The following PIK3C2G variants were observed in gnomAD, a reference collection of about 807,000 sequenced individuals.
PIK3C2G encodes the protein phosphatidylinositol 3-kinase C2 domain-containing subunit gamma.
PIK3C2G carries 168 observed loss-of-function variants against 181.1 expected under a neutral mutation model. The observed-to-expected ratio is 0.93, with a 90% confidence interval of 0.82 to 1.05. PIK3C2G has a LOEUF of 1.05. PIK3C2G is among the 50% of genes least tolerant of loss of function. The pLI, the probability that PIK3C2G is intolerant of heterozygous loss-of-function variation, is 0.00. For missense variants in PIK3C2G, 1,869 were observed against 1,732.8 expected, an observed-to-expected ratio of 1.08 and a Z score of -1.40; for synonymous variants, 573 against 592.2, an observed-to-expected ratio of 0.97 and a Z score of 0.47.
At chr12:18,694,993 T>C in the PIK3C2G span, 1 of 1,610,478 alleles carries the variant, frequency 6.2e-7, no homozygotes, top group Non-Finnish European at 8.5e-7. Context: ...AAATGTGGTT[T>C]CAAAATATAT....
intron 21 of PIK3C2G, among the ~76,000 whole-genome samples, chr12:18,496,580 T>A (rs1316661255): frequency 1.3e-5 from 2 of 152,164 alleles, no homozygotes; most frequent in African/African-American, 2.4e-5. Flanking sequence ...GAGTTTTTTT[T>A]AATAAAAAAG....
the PIK3C2G span, among the ~76,000 whole-genome samples, chr12:18,678,674 T>C: frequency 5.3e-5 from 8 of 152,124 alleles, no homozygotes; most frequent in Non-Finnish European, 1.0e-4. Context: ...TTAATGCATG[T>C]ATGAATAGTC....
At chr12:18,309,193 C>G (rs1475462120) in intron 5 of PIK3C2G, among the ~76,000 whole-genome samples, 1 of 151,700 alleles carries the variant, frequency 6.6e-6, no homozygotes, top group Non-Finnish European at 1.5e-5. Context: ...CTGTCTTGCC[C>G]TATTGATAAA....
Position 18,530,089 on chromosome 12 carries a change from T to C in PIK3C2G, c.3324-8067T>C, listed in dbSNP as rs140015323. Among the ~76,000 whole-genome samples the C allele has an allele frequency of 6.1e-3, 929 of 152,200 alleles. 5 individuals carry two copies. The highest frequency in any genetic ancestry group is 0.031 in the Middle Eastern group (9 of 294). The stretch of plus-strand genomic sequence containing the variant: ...CCCACTATTTCACTCTCTACAACAA[T>C]TGGCACCCTAACCTCTCAAGCATAA... On this transcript the variant is annotated intron_variant, in intron 24 of 32. Coordinates refer to ENST00000538779, the MANE Select transcript of PIK3C2G (RefSeq NM_001288772.2).
At position 18,627,386 on chromosome 12, in the gene PIK3C2G, C is replaced by A. The variant is rs912891331; in HGVS notation, c.4183-13043C>A. Among the ~76,000 whole-genome samples, 19 of 152,084 alleles carry A rather than the reference C, an allele frequency of 1.2e-4. No homozygotes were observed. In the South Asian group the frequency reaches 3.7e-3, roughly 30 times the overall value. ...TTTCTTAGATATCCCTTTCTTTGGG[C>A]GTCATTGCTGGAGCATTTTTGGTTT... is the stretch of plus-strand genomic sequence containing the variant. On this transcript the variant is annotated intron_variant, in intron 31 of 32. Coordinates refer to ENST00000538779, the MANE Select transcript of PIK3C2G (RefSeq NM_001288772.2).
chr12:18,585,718 T>C (rs1251738544), intron 29 of PIK3C2G, among the ~76,000 whole-genome samples: 2 of 152,192 alleles, frequency 1.3e-5, no homozygotes, highest in Non-Finnish European at 2.9e-5. Context: ...TCTTTGGAAT[T>C]CTCCACCCAA....
chr12:18,680,227 G>A, the PIK3C2G span, among the ~76,000 whole-genome samples: 1 of 151,894 alleles, frequency 6.6e-6, no homozygotes, highest in Non-Finnish European at 1.5e-5. Flanking sequence ...CACTCAAAAG[G>A]GATTCCATTC....
intron 11 of PIK3C2G, among the ~76,000 whole-genome samples, chr12:18,360,767 C>T (rs1941168099): frequency 6.6e-6 from 1 of 152,120 alleles, no homozygotes; most frequent in Non-Finnish European, 1.5e-5. Context: ...CATGATTAGT[C>T]ATTTTCTCTA....
intron 21 of PIK3C2G, among the ~76,000 whole-genome samples, chr12:18,497,376 C>T (rs1376458516): frequency 6.6e-6 from 1 of 152,152 alleles, no homozygotes; most frequent in African/African-American, 2.4e-5. Context: ...CAAGGAACAA[C>T]ATTCCAAGCA....
intron 12 of PIK3C2G, among the ~76,000 whole-genome samples, chr12:18,367,934 A>G (rs1941757526): frequency 6.6e-6 from 1 of 152,156 alleles, no homozygotes; most frequent in South Asian, 2.1e-4. Context: ...GAAACTTAAA[A>G]TCATGGCAGA....
chr12:18,662,970 G>GA, the PIK3C2G span, among the ~76,000 whole-genome samples: 3 of 152,026 alleles, frequency 2.0e-5, no homozygotes, highest in African/African-American at 7.2e-5. Context: ...AAGGCATGTA[G>GA]AAACCAAATA....
chr12:18,696,063 G>T, the PIK3C2G span: 1 of 710,020 alleles, frequency 1.4e-6, no homozygotes, highest in South Asian at 1.6e-5. Flanking sequence ...TTTACAGAAA[G>T]CCCTTTTCAC....
the PIK3C2G span, among the ~76,000 whole-genome samples, chr12:18,704,510 G>C: frequency 6.6e-6 from 1 of 152,066 alleles, no homozygotes; most frequent in African/African-American, 2.4e-5. Flanking sequence ...ATTTTTAGTA[G>C]AGACGGGGTT....
intron 2 of PIK3C2G, among the ~76,000 whole-genome samples, chr12:18,285,071 T>C (rs1346840036): frequency 6.6e-6 from 1 of 152,034 alleles, no homozygotes; most frequent in Non-Finnish European, 1.5e-5. Flanking sequence ...CATATAGACA[T>C]TTTATACTCA....
chr12:18,587,180 C>T (rs1187014038), intron 29 of PIK3C2G, among the ~76,000 whole-genome samples: 1 of 152,084 alleles, frequency 6.6e-6, no homozygotes, highest in Non-Finnish European at 1.5e-5. Context: ...CACTCCTATT[C>T]AACATAGTAT....
chr12:18,402,184 AT>A (rs1310392504), intron 16 of PIK3C2G, among the ~76,000 whole-genome samples: 2 of 152,184 alleles, frequency 1.3e-5, no homozygotes, highest in Non-Finnish European at 2.9e-5. Context: ...ACATAATATT[AT>A]TTGATAATAA....
intron 18 of PIK3C2G, chr12:18,424,843 ACAC>A (rs1945700290): frequency 4.8e-6 from 1 of 209,074 alleles, no homozygotes; most frequent in Non-Finnish European, 1.0e-5. Flanking sequence ...ATTCTCTACA[ACAC>A]CACGATATAT....
At chr12:18,377,387 T>C (rs904480713) in intron 13 of PIK3C2G, among the ~76,000 whole-genome samples, 60 of 152,330 alleles carry the variant, frequency 3.9e-4, no homozygotes, top group Middle Eastern at 3.4e-3. Context: ...TGAAATACTA[T>C]GTTTAGCAGC....
intron 23 of PIK3C2G, 41 bp downstream of exon 23, chr12:18,503,458 T>C: frequency 7.0e-7 from 1 of 1,419,444 alleles, no homozygotes; most frequent in Non-Finnish European, 9.6e-7. Flanking sequence ...TGTACTTAAA[T>C]AAGAATATGC....
Sources: allele counts gnomAD v4.1 joint callset (sites outside exome capture counted in the v4.1 genomes callset), GRCh38; gene constraint gnomAD v4.1.1; transcripts MANE v1.5; gene names NCBI Gene and HGNC (gene_info 2026-07-23, HGNC 2026-07-21).